The following PCMTD2 variants were observed in gnomAD, a reference collection of about 807,000 sequenced individuals.
PCMTD2 encodes the protein protein-L-isoaspartate O-methyltransferase domain-containing protein 2.
A neutral mutation model predicts 33.4 loss-of-function variants in PCMTD2; 16 were observed. The observed-to-expected ratio is 0.48, with a 90% CI of 0.32 to 0.73. PCMTD2 has a LOEUF of 0.73. Ranked by LOEUF, PCMTD2 falls within the 30% of genes least tolerant of loss-of-function variation. PCMTD2 has a pLI of 0.03. For missense variants in PCMTD2, 374 were observed against 449.9 expected (o/e 0.83, Z 1.53); for synonymous variants, 161 against 160.8 (o/e 1.00, Z -0.01).
chr20:64,268,454 G>T (rs1281055860), intron 5 of PCMTD2, among the ~76,000 whole-genome samples: 2 of 152,212 alleles, frequency 1.3e-5, no homozygotes, highest in South Asian at 2.1e-4. Context: ...CAGCTAATCT[G>T]CTGGGGTGTG....
intron 5 of PCMTD2, among the ~76,000 whole-genome samples, chr20:64,272,688 C>T (rs1354851861): frequency 1.3e-5 from 2 of 152,174 alleles, no homozygotes; most frequent in Non-Finnish European, 2.9e-5. Context: ...GGCGTGGTGG[C>T]GCATGCCTGT....
chr20:64,265,352 G>A lies in PCMTD2; in HGVS notation c.505G>A (p.Val169Met), dbSNP rs1314085589. The A allele has an allele frequency of 3.7e-6, 6 of 1,613,468 alleles. No homozygotes were observed. The highest frequency in any genetic ancestry group is 1.1e-5 in the South Asian group (1 of 91,042). ...QYDRVYCGAGVQKEHEEYMKN... is the reference protein window; with the variant it reads ...QYDRVYCGAGMQKEHEEYMKN... ...TGATCGTGTATACTGTGGGGCTGGCGTGCAGAAAGAGCATGAAGAGTACAT... is the reference window on the plus strand; with the variant it reads ...TGATCGTGTATACTGTGGGGCTGGCATGCAGAAAGAGCATGAAGAGTACAT... Residue 169 changes from valine to methionine, a missense_variant, in exon 4 of 6, where the codon GTG becomes ATG. Val to Met is a conservative substitution (Grantham distance 21, BLOSUM62 1). Transcript: ENST00000308824.
At position 64,275,062 on chromosome 20, in the gene PCMTD2, A is replaced by G. The variant is rs925081764; in HGVS notation, c.*1462A>G. 2.0e-5 allele frequency: 3 copies of G among 152,010 alleles called. No individual in the cohort carries two copies. The highest frequency in any genetic ancestry group is 3.9e-4 in the East Asian group (2 of 5,186). 9.4% of individuals were successfully genotyped at this position (152,010 alleles called of 1,614,324 possible). ...CACCAGCTTAGCTTGAGCTCTGGTT[A>G]TTTTGGATCTTTTCTGCTTTTTTTA... On this transcript the variant is annotated 3_prime_UTR_variant, in exon 6 of 6. Transcript: ENST00000308824.
In PCMTD2 at chr20:64,274,869, T is replaced by G. The variant is rs1157201322; in HGVS notation, c.*1269T>G. 1 of 152,236 alleles carries G rather than the reference T, an allele frequency of 6.6e-6. No homozygotes were observed. The highest frequency in any genetic ancestry group is 1.5e-5 in the Non-Finnish European group (1 of 68,036). 9.4% of individuals were successfully genotyped at this position (152,236 alleles called of 1,614,324 possible). ...GAGTTACATTGCTTATTCCAAAACA[T>G]TGGTTCTTTTTAAAACATTTTTTTT... On this transcript the variant is annotated 3_prime_UTR_variant, in exon 6 of 6. Transcript: ENST00000308824.
intron 5 of PCMTD2, among the ~76,000 whole-genome samples, chr20:64,269,742 A>T (rs370872409): frequency 9.3e-5 from 13 of 140,422 alleles, no homozygotes; most frequent in African/African-American, 3.5e-4. Flanking sequence ...GACATGCGCA[A>T]TGTGGGGTCA....
intron 2 of PCMTD2, among the ~76,000 whole-genome samples, chr20:64,261,377 C>G (rs1985408043): frequency 6.6e-6 from 1 of 152,264 alleles, no homozygotes; most frequent in South Asian, 2.1e-4. Context: ...TTAGAACTGA[C>G]AGGATTTACG....
chr20:64,267,821 AATG>A (rs1216387225), intron 4 of PCMTD2, 63 bp from the exon 5 acceptor site: 1 of 1,384,260 alleles, frequency 7.2e-7, no homozygotes, highest in African/African-American at 1.4e-5. Flanking sequence ...TATGTATAGG[AATG>A]ATTAAATATG....
In PCMTD2 at chr20:64,273,556, C is replaced by A; in HGVS notation, c.1042C>A (p.Pro348Thr). 1 of 1,535,426 alleles carries A rather than the reference C, an allele frequency of 6.5e-7. No homozygotes were observed. Among genetic ancestry groups the A allele is most frequent in the South Asian group, 1.3e-5 (1 of 77,094 alleles). The change falls in exon 6 of 6, where the codon CCA becomes ACA. Residue 348 changes from proline (P) to threonine (T), a missense_variant. Physicochemically the swap from Pro to Thr is conservative, Grantham distance 38. Coordinates refer to ENST00000308824, the MANE Select transcript of PCMTD2 (RefSeq NM_018257.3). ...CCAGAAGGTCCTGAGCCTCCCTCTG[C>A]CAGATCCCCTGAAATACTACTTGCT... The part of the protein sequence containing the change: ...LRQKVLSLPL[P>T]DPLKYYLLYY...
chr20:64,268,764 G>A (rs952922695), intron 5 of PCMTD2, among the ~76,000 whole-genome samples: 1 of 151,126 alleles, frequency 6.6e-6, no homozygotes, highest in Non-Finnish European at 1.5e-5. Context: ...TTTACATTTT[G>A]GCAAATCTCT....
At chr20:64,267,836 G>A (rs896345401) in intron 4 of PCMTD2, 51 bp from the exon 5 acceptor site, 4 of 1,544,356 alleles carry the variant, frequency 2.6e-6, no homozygotes, top group Non-Finnish European at 3.6e-6. Context: ...TTAAATATGA[G>A]CTAAATAGTA....
At chr20:64,262,234 A>T (rs1985451301) in intron 2 of PCMTD2, among the ~76,000 whole-genome samples, 1 of 152,076 alleles carries the variant, frequency 6.6e-6, no homozygotes, top group Non-Finnish European at 1.5e-5. Flanking sequence ...AGTCTGGCTA[A>T]CGGAGCCAGA....
chr20:64,260,235 C>T lies in PCMTD2; in HGVS notation c.270C>T (p.Gly90=). Residue 90 remains glycine (G), a synonymous_variant, in exon 2 of 6, where the codon GGC becomes GGT. Transcript: ENST00000308824. ...PGLSFLNLGS[G]TGYLSSMVGL... ...TCTCGTTTCTGAACCTGGGCAGTGG[C>T]ACTGGGTATCTCAGCTCCATGGTGG... The T allele has an allele frequency of 6.2e-7, 1 of 1,613,544 alleles. No homozygotes were observed. Among genetic ancestry groups the T allele is most frequent in the Non-Finnish European group, 8.5e-7 (1 of 1,179,460 alleles).
Position 64,264,516 on chromosome 20 carries a change from G to C in PCMTD2, c.395G>C (p.Ser132Thr). 1 of 1,560,470 alleles carries C rather than the reference G, an allele frequency of 6.4e-7. No homozygotes were observed. Among genetic ancestry groups the C allele is most frequent in the Non-Finnish European group, 8.8e-7 (1 of 1,131,268 alleles). ...AAACTGGACTTCTTCATCAGAACAA[G>C]TGATAGTTTTGACAAGTAAGATGAA... ...KQKLDFFIRTSDSFDKFDFCE... is the reference protein window; with the variant it reads ...KQKLDFFIRTTDSFDKFDFCE... The change falls in exon 3 of 6, where the codon AGT (serine) becomes ACT (threonine). Residue 132 changes from serine (S) to threonine (T), a missense_variant. Coordinates refer to ENST00000308824, the MANE Select transcript of PCMTD2 (RefSeq NM_018257.3).
chr20:64,261,160 A>G (rs535258028), intron 2 of PCMTD2, among the ~76,000 whole-genome samples: 1 of 152,328 alleles, frequency 6.6e-6, no homozygotes, highest in African/African-American at 2.4e-5. Flanking sequence ...TAACTAAGGA[A>G]AAACATCACT....
At chr20:64,259,691 A>AAATTTG (rs1204927930) in intron 1 of PCMTD2, 1 of 464,540 alleles carries the variant, frequency 2.2e-6, no homozygotes, top group Non-Finnish European at 3.8e-6. Flanking sequence ...CACCCGGCCT[A>AAATTTG]AATTTGAATT....
intron 2 of PCMTD2, among the ~76,000 whole-genome samples, chr20:64,261,476 G>A (rs1262316719): frequency 6.6e-6 from 1 of 152,218 alleles, no homozygotes; most frequent in East Asian, 1.9e-4. Flanking sequence ...TTGGGAAGCC[G>A]AGGTCGGAGG....
At chr20:64,261,536 C>T (rs947509000) in intron 2 of PCMTD2, among the ~76,000 whole-genome samples, 20 of 152,234 alleles carry the variant, frequency 1.3e-4, no homozygotes, top group African/African-American at 4.8e-4. Context: ...CACCACTGCA[C>T]TCCAGCCTAG....
At position 64,260,071 on chromosome 20, in the gene PCMTD2, A is replaced by G. The variant is rs149052643; in HGVS notation, c.106A>G (p.Ile36Val). 2 of 1,611,396 alleles carry G rather than the reference A, an allele frequency of 1.2e-6. No homozygotes were observed. The highest frequency in any genetic ancestry group is 8.5e-7 in the Non-Finnish European group (1 of 1,177,460). ...TELVEQAFRA[I>V]DRADYYLEEF... ...GCTGGTAGAGCAGGCTTTCAGAGCTATCGATCGTGCAGACTATTATCTTGA... is the reference window on the plus strand; with the variant it reads ...GCTGGTAGAGCAGGCTTTCAGAGCTGTCGATCGTGCAGACTATTATCTTGA... Residue 36 changes from isoleucine to valine, a missense_variant, in exon 2 of 6, where the codon ATC becomes GTC. By Grantham distance (29) the Ile-to-Val change is conservative. Coordinates refer to ENST00000308824, the MANE Select transcript of PCMTD2 (RefSeq NM_018257.3).
At chr20:64,261,936 G>A (rs748474837) in intron 2 of PCMTD2, among the ~76,000 whole-genome samples, 1 of 152,320 alleles carries the variant, frequency 6.6e-6, no homozygotes, top group African/African-American at 2.4e-5. Flanking sequence ...GAGCCAAAAT[G>A]CTTAGGAAAA....
Sources: allele counts gnomAD v4.1 joint callset (sites outside exome capture counted in the v4.1 genomes callset), GRCh38; gene constraint gnomAD v4.1.1; transcripts MANE v1.5; gene names NCBI Gene and HGNC (gene_info 2026-07-23, HGNC 2026-07-21).